OSBP2: variants seen among roughly 807,000 people sequenced by gnomAD.
OSBP2 encodes the protein oxysterol binding protein 2.
Under a neutral mutation model 96.0 loss-of-function variants are expected in OSBP2, and 66 were observed. That is an observed-to-expected ratio of 0.69 (90% CI 0.56 to 0.84). OSBP2 has a LOEUF of 0.84. OSBP2 is among the 40% of genes least tolerant of loss of function. The probability of loss-of-function intolerance (pLI) is 0.00; values close to 1 mark genes in which losing one functional copy is unlikely to be tolerated. For missense variants in OSBP2, 1,038 were observed against 1,222.7 expected, an observed-to-expected ratio of 0.85 and a Z score of 2.25; for synonymous variants, 525 against 520.9, an observed-to-expected ratio of 1.01 and a Z score of -0.11.
chr22:30,751,496 A>C (rs2145756046), intron 2 of OSBP2, among the ~76,000 whole-genome samples: 1 of 152,202 alleles, frequency 6.6e-6, no homozygotes, highest in Non-Finnish European at 1.5e-5. Flanking sequence ...CTGGGATTAT[A>C]GGTGTCCACC....
chr22:30,697,498 T>A (rs2089067140), intron 1 of OSBP2, among the ~76,000 whole-genome samples: 1 of 152,156 alleles, frequency 6.6e-6, no homozygotes, highest in Non-Finnish European at 1.5e-5. Context: ...AGGATGGTCT[T>A]GATCTCTTGA....
Position 30,890,792 on chromosome 22 carries a change from T to A in OSBP2, c.1688T>A (p.Leu563Gln), listed in dbSNP as rs1387242914. The A allele has an allele frequency of 6.2e-7, 1 of 1,613,620 alleles. No individual in the cohort carries two copies. Among genetic ancestry groups the A allele is most frequent in the Non-Finnish European group, 8.5e-7 (1 of 1,180,012 alleles). ...RLTEDLEYHH[L>Q]LDKAVHCTSS... ...ACAGAGGACCTGGAGTACCACCACC[T>A]GCTGGACAAGGCAGTGCACTGCACC... Residue 563 changes from leucine (L) to glutamine (Q), a missense_variant, in exon 8 of 14, where the codon CTG becomes CAG. Physicochemically the swap from Leu to Gln is moderately radical, Grantham distance 113. This residue lies in a region of OSBP2 where 737 missense variants were observed against 913.3 expected (regional missense o/e 0.81). Transcript: ENST00000332585. The surrounding 1 kb of genome is among the most constrained non-coding windows in gnomAD (Gnocchi z 4.4).
intron 1 of OSBP2, among the ~76,000 whole-genome samples, chr22:30,710,665 C>T (rs1339147423): frequency 6.6e-6 from 1 of 151,750 alleles, no homozygotes; most frequent in Non-Finnish European, 1.5e-5. Context: ...GGGTGCTGTA[C>T]AGTGGTGCGA....
chr22:30,876,275 C>G (rs759481706), intron 3 of OSBP2, among the ~76,000 whole-genome samples: 12 of 152,254 alleles, frequency 7.9e-5, no homozygotes, highest in Non-Finnish European at 1.5e-4. Flanking sequence ...TGAAGCCCCC[C>G]TCCTCTGTTA....
intron 2 of OSBP2, among the ~76,000 whole-genome samples, chr22:30,760,206 C>T (rs530033512): frequency 1.3e-5 from 2 of 151,390 alleles, no homozygotes; most frequent in African/African-American, 4.8e-5. Flanking sequence ...CACTGTTGCC[C>T]AGGCTGGTCT....
rs960794202 is a variant in OSBP2, at chr22:30,859,514, G to A, written c.854-10915G>A. On this transcript the variant is annotated intron_variant, in intron 2 of 13. Transcript: ENST00000332585. ...GCTGGGAGAAGCTAGGCACCAGGCC[G>A]TGTGGCGAGCCCGTTGGTAGGGCCA... Among the ~76,000 whole-genome samples, 36 of 151,408 alleles carry A rather than the reference G, an allele frequency of 2.4e-4. 1 individual carries two copies. The highest frequency in any genetic ancestry group is 1.6e-3 in the Admixed American group (24 of 15,180).
upstream of OSBP2, chr22:30,694,798 CCG>C: frequency 1.1e-5 from 6 of 559,630 alleles, no homozygotes; most frequent in Non-Finnish European, 1.4e-5. Context: ...GCGGAGGAAC[CCG>C]CGCGCGCCCC....
At chr22:30,906,122 G>T (rs760918468) in intron 13 of OSBP2, 53 bp downstream of exon 13, 12 of 1,607,480 alleles carry the variant, frequency 7.5e-6, no homozygotes, top group African/African-American at 1.3e-5. Context: ...GTGCCCGGGT[G>T]GGGGTGCCGC....
intron 2 of OSBP2, among the ~76,000 whole-genome samples, chr22:30,780,294 C>T (rs136308): frequency 0.18 from 26,771 of 152,146 alleles, 2,452 homozygotes; most frequent in Middle Eastern, 0.23. Flanking sequence ...GGTGAAGATC[C>T]AGTAGCATGT....
chr22:30,878,447 A>AG (rs1461690115), intron 3 of OSBP2, among the ~76,000 whole-genome samples: 1 of 152,170 alleles, frequency 6.6e-6, no homozygotes, highest in East Asian at 1.9e-4. Context: ...GCCATGGGGA[A>AG]GGACCCCATG....
chr22:30,785,555 A>G (rs963305786), intron 2 of OSBP2, among the ~76,000 whole-genome samples: 27 of 139,860 alleles, frequency 1.9e-4, no homozygotes, highest in African/African-American at 7.5e-4. Flanking sequence ...TGACAGAGTG[A>G]GACTTCGTCT....
intron 2 of OSBP2, among the ~76,000 whole-genome samples, chr22:30,853,484 G>A (rs545259129): frequency 6.6e-6 from 1 of 152,112 alleles, no homozygotes; most frequent in African/African-American, 2.4e-5. Context: ...TATTTAAAGT[G>A]TATTTCTTAC....
At chr22:30,812,599 C>T (rs1467891574) in intron 2 of OSBP2, among the ~76,000 whole-genome samples, 1 of 152,206 alleles carries the variant, frequency 6.6e-6, no homozygotes, top group Non-Finnish European at 1.5e-5. Context: ...CCTCTACGTG[C>T]ATCTTTTACA....
At chr22:30,861,400 C>T (rs1021432431) in intron 2 of OSBP2, among the ~76,000 whole-genome samples, 1 of 152,160 alleles carries the variant, frequency 6.6e-6, no homozygotes, top group Non-Finnish European at 1.5e-5. Context: ...GATGTGGTCT[C>T]CTCAGCTTCC....
At chr22:30,883,923 C>T (rs1371758388) in intron 3 of OSBP2, among the ~76,000 whole-genome samples, 1 of 152,150 alleles carries the variant, frequency 6.6e-6, no homozygotes, top group Non-Finnish European at 1.5e-5. Flanking sequence ...GAGAGAGGGA[C>T]AGGGTTGTGG....
chr22:30,701,413 G>T, intron 1 of OSBP2, among the ~76,000 whole-genome samples: 1 of 140,246 alleles, frequency 7.1e-6, no homozygotes, highest in South Asian at 2.2e-4. Flanking sequence ...ACATGATCTC[G>T]ACTCACTGCA....
intron 1 of OSBP2, 118 bp from the exon 2 acceptor site, chr22:30,741,043 C>A: frequency 1.2e-6 from 1 of 810,904 alleles, no homozygotes; most frequent in Non-Finnish European, 2.0e-6. Context: ...AACTTTGACT[C>A]CAGGGCCTCT....
chr22:30,857,058 T>C (rs1028476989), intron 2 of OSBP2, among the ~76,000 whole-genome samples: 2 of 152,174 alleles, frequency 1.3e-5, no homozygotes, highest in Admixed American at 6.5e-5. Flanking sequence ...TATTTTGAGA[T>C]TGATTTTTCT....
intron 3 of OSBP2, among the ~76,000 whole-genome samples, chr22:30,886,247 C>T (rs2039806257): frequency 6.6e-6 from 1 of 152,164 alleles, no homozygotes. Flanking sequence ...GGCGGGACAG[C>T]TCAAAAGCAA....
Sources: allele counts gnomAD v4.1 joint callset (sites outside exome capture counted in the v4.1 genomes callset), GRCh38; gene constraint gnomAD v4.1.1; regional missense constraint gnomAD v4.1.1; non-coding constraint Gnocchi (gnomAD v3.1); transcripts MANE v1.5; gene names NCBI Gene and HGNC (gene_info 2026-07-23, HGNC 2026-07-21).